NCKAP5: variants seen among roughly 807,000 people sequenced by gnomAD.
The protein encoded by NCKAP5 is nck-associated protein 5.
NCKAP5 carries 92 observed loss-of-function variants against 167.0 expected under a neutral mutation model. That is an observed-to-expected ratio of 0.55 (90% CI 0.47 to 0.66). The LOEUF is 0.66. Among genes scored for constraint, NCKAP5 ranks in the 30% least tolerant of loss-of-function variants. The pLI, the probability that NCKAP5 is intolerant of heterozygous loss-of-function variation, is 0.00. For synonymous variants in NCKAP5, 891 were observed against 877.4 expected (o/e 1.02, Z -0.27); for missense variants, 2,378 against 2,315.0 (o/e 1.03, Z -0.56).
intron 19 of NCKAP5, among the ~76,000 whole-genome samples, chr2:132,720,892 T>C (rs942750111): frequency 2.6e-5 from 4 of 151,958 alleles, no homozygotes; most frequent in African/African-American, 9.7e-5. Context: ...GCACCTGTAA[T>C]CTCAGCTACT....
chr2:132,794,308 G>GAGAGAGAGT (rs1558788607), intron 12 of NCKAP5, among the ~76,000 whole-genome samples: 2 of 50,098 alleles, frequency 4.0e-5, no homozygotes, highest in African/African-American at 6.0e-5. Flanking sequence ...AGAGAGAGAG[G>GAGAGAGAGT]GTGGCGGGAA....
intron 3 of NCKAP5, among the ~76,000 whole-genome samples, chr2:133,387,574 T>G (rs1687077634): frequency 6.6e-6 from 1 of 152,220 alleles, no homozygotes; most frequent in Non-Finnish European, 1.5e-5. Context: ...CTGTATTTCC[T>G]GAATTTGAAT....
the NCKAP5 span, among the ~76,000 whole-genome samples, chr2:133,646,312 T>C: frequency 6.6e-6 from 1 of 151,954 alleles, no homozygotes; most frequent in Admixed American, 6.6e-5. Context: ...TTGTCAAAAG[T>C]TAAAGACAGA....
intron 19 of NCKAP5, 25 bp downstream of exon 19, chr2:132,725,602 G>A (rs1318855882): frequency 1.3e-6 from 2 of 1,598,590 alleles, no homozygotes; most frequent in Non-Finnish European, 1.7e-6. Flanking sequence ...GAACCTGCAG[G>A]GCCAGCAAGT....
chr2:133,194,648 T>C (rs2085362223), intron 5 of NCKAP5, among the ~76,000 whole-genome samples: 1 of 152,022 alleles, frequency 6.6e-6, no homozygotes, highest in Non-Finnish European at 1.5e-5. Context: ...CCTCTTCCTA[T>C]AATCTTTTAT....
At chr2:132,856,879 G>A (rs970597139) in intron 11 of NCKAP5, among the ~76,000 whole-genome samples, 7 of 152,302 alleles carry the variant, frequency 4.6e-5, no homozygotes, top group Admixed American at 2.0e-4. Context: ...AATTGGAGGC[G>A]AAAGGGGGGA....
intron 3 of NCKAP5, among the ~76,000 whole-genome samples, chr2:133,362,168 G>C (rs1685157518): frequency 6.6e-6 from 1 of 152,196 alleles, no homozygotes; most frequent in Non-Finnish European, 1.5e-5. Flanking sequence ...AATGCTAATA[G>C]AAGCCAGAGA....
chr2:133,302,702 A>G (rs1410989220), intron 4 of NCKAP5, among the ~76,000 whole-genome samples: 1 of 145,366 alleles, frequency 6.9e-6, no homozygotes, highest in African/African-American at 2.5e-5. Context: ...TAGTGGGTGC[A>G]GCGCACCAGC....
At chr2:133,591,447 G>A in the NCKAP5 span, among the ~76,000 whole-genome samples, 1 of 152,196 alleles carries the variant, frequency 6.6e-6, no homozygotes, top group Non-Finnish European at 1.5e-5. Context: ...TGGAAACACA[G>A]ACCCACGTGT....
chr2:132,732,004 G>T lies in NCKAP5; in HGVS notation c.5176C>A (p.Pro1726Thr), dbSNP rs1444269687. ...GAGCGATTTCCCGAGTCTGGGAGTG[G>T]AAAGGTTCCGATCCCACTGTCCAAT... ...RTLDSGIGTFPLPDSGNRSTG... is the reference protein window; with the variant it reads ...RTLDSGIGTFTLPDSGNRSTG... The change falls in exon 17 of 20, where the codon CCA becomes ACA. Residue 1726 changes from proline (P) to threonine (T), a missense_variant. By Grantham distance (38) the Pro-to-Thr change is conservative (BLOSUM62 -1). This residue lies in a region of NCKAP5 where 1,325 missense variants were observed against 1,274.5 expected (regional missense o/e 1.04). Transcript: ENST00000409261. The T allele has an allele frequency of 6.2e-7, 1 of 1,613,712 alleles. No individual in the cohort carries two copies. The highest frequency in any genetic ancestry group is 1.3e-5 in the African/African-American group (1 of 74,900).
intron 5 of NCKAP5, among the ~76,000 whole-genome samples, chr2:133,177,132 A>G (rs548902855): frequency 1.1e-4 from 16 of 148,452 alleles, no homozygotes; most frequent in Non-Finnish European, 1.9e-4. Flanking sequence ...TCAACACTCT[A>G]AGAATTTTAG....
At chr2:132,899,365 C>G (rs1460497505) in intron 8 of NCKAP5, among the ~76,000 whole-genome samples, 1 of 152,258 alleles carries the variant, frequency 6.6e-6, no homozygotes, top group East Asian at 1.9e-4. Flanking sequence ...AGTCTTCTAT[C>G]CAGGCCACTG....
chr2:133,209,691 C>A (rs1466671273), intron 5 of NCKAP5, among the ~76,000 whole-genome samples: 4 of 151,966 alleles, frequency 2.6e-5, no homozygotes, highest in Non-Finnish European at 4.4e-5. Flanking sequence ...GCTAGAAAAA[C>A]TGCTCTAATA....
intron 6 of NCKAP5, chr2:133,123,782 G>C (rs2082319820): frequency 2.1e-6 from 1 of 471,018 alleles, no homozygotes; most frequent in Non-Finnish European, 4.4e-6. Context: ...TTCTCATCTT[G>C]TTACATTTTC....
the NCKAP5 span, among the ~76,000 whole-genome samples, chr2:133,627,531 T>A: frequency 6.6e-6 from 1 of 152,248 alleles, no homozygotes; most frequent in African/African-American, 2.4e-5. Flanking sequence ...TCCCAGCACC[T>A]GGGGAGATCG....
intron 4 of NCKAP5, among the ~76,000 whole-genome samples, chr2:133,300,059 T>C (rs1309999082): frequency 2.2e-5 from 3 of 134,448 alleles, no homozygotes; most frequent in Non-Finnish European, 4.7e-5. Flanking sequence ...ACACATACAC[T>C]CTCCCAAGAC....
chr2:133,533,494 G>T (rs929773972), intron 2 of NCKAP5, among the ~76,000 whole-genome samples: 1 of 152,130 alleles, frequency 6.6e-6, no homozygotes, highest in African/African-American at 2.4e-5. Context: ...TTTAAAGTTT[G>T]AATTAATGTA....
At chr2:133,008,738 T>G (rs13015331) in intron 6 of NCKAP5, among the ~76,000 whole-genome samples, 1 of 151,992 alleles carries the variant, frequency 6.6e-6, no homozygotes. Context: ...AACTAAAAAC[T>G]GGGGGAAAAA....
At chr2:133,606,762 A>G in the NCKAP5 span, among the ~76,000 whole-genome samples, 4 of 151,418 alleles carry the variant, frequency 2.6e-5, no homozygotes, top group Non-Finnish European at 5.9e-5. Flanking sequence ...AAAAAAAAAA[A>G]GGTTTTAGCC....
Sources: allele counts gnomAD v4.1 joint callset (sites outside exome capture counted in the v4.1 genomes callset), GRCh38; gene constraint gnomAD v4.1.1; regional missense constraint gnomAD v4.1.1; transcripts MANE v1.5; gene names NCBI Gene and HGNC (gene_info 2026-07-23, HGNC 2026-07-21).